Variants in TPD52 observed in about 807,000 individuals in gnomAD.
The protein encoded by TPD52 is prostate and colon associated protein.
TPD52 carries 17 observed loss-of-function variants against 31.3 expected under a neutral mutation model. The observed-to-expected ratio is 0.54, with a 90% CI of 0.37 to 0.82. The LOEUF is 0.82. TPD52 is among the 40% of genes least tolerant of loss of function. The pLI, the probability that TPD52 is intolerant of heterozygous loss-of-function variation, is 0.00. For synonymous variants in TPD52, 83 were observed against 89.6 expected (o/e 0.93, Z 0.42); for missense variants, 212 against 240.1 (o/e 0.88, Z 0.77).
chr8:80,159,113 A>T (rs1197204291), intron 1 of TPD52, among the ~76,000 whole-genome samples: 2 of 152,216 alleles, frequency 1.3e-5, no homozygotes, highest in African/African-American at 4.8e-5. Flanking sequence ...CATTTTACAG[A>T]AGTATCTAAT....
chr8:80,152,259 C>G (rs1810623181), intron 1 of TPD52, among the ~76,000 whole-genome samples: 1 of 152,136 alleles, frequency 6.6e-6, no homozygotes, highest in Non-Finnish European at 1.5e-5. Context: ...GAGAGGCCAG[C>G]CATATCCTCA....
chr8:80,051,233 C>T, intron 4 of TPD52: 1 of 410,340 alleles, frequency 2.4e-6, no homozygotes, highest in Non-Finnish European at 4.4e-6. Context: ...CACAAATTTG[C>T]AACCAAAGAC....
chr8:80,099,346 T>C (rs540237136), intron 1 of TPD52, among the ~76,000 whole-genome samples: 4 of 152,152 alleles, frequency 2.6e-5, no homozygotes, highest in Non-Finnish European at 5.9e-5. Context: ...TGTAGCTAAA[T>C]TCTTGGCATT....
At chr8:80,152,414 C>T (rs1563664535) in intron 1 of TPD52, among the ~76,000 whole-genome samples, 1 of 152,078 alleles carries the variant, frequency 6.6e-6, no homozygotes, top group Non-Finnish European at 1.5e-5. Context: ...TTCCCAACAA[C>T]AAAAAACACC....
intron 1 of TPD52, among the ~76,000 whole-genome samples, chr8:80,085,959 A>T (rs572379620): frequency 6.6e-6 from 1 of 152,250 alleles, no homozygotes; most frequent in South Asian, 2.1e-4. Flanking sequence ...GCCATACCCC[A>T]GTGAGAGGCA....
chr8:80,130,675 C>T (rs75092843), intron 1 of TPD52, among the ~76,000 whole-genome samples: 5 of 152,256 alleles, frequency 3.3e-5, no homozygotes, highest in East Asian at 1.9e-4. Flanking sequence ...TAACATTCTG[C>T]GGCATGACTT....
At chr8:80,122,407 T>C (rs1656039493) in intron 1 of TPD52, among the ~76,000 whole-genome samples, 1 of 152,096 alleles carries the variant, frequency 6.6e-6, no homozygotes, top group African/African-American at 2.4e-5. Flanking sequence ...TCCTCAGAGA[T>C]GGGCATGCGC....
intron 1 of TPD52, among the ~76,000 whole-genome samples, chr8:80,068,318 G>T (rs1312940908): frequency 1.3e-5 from 2 of 152,084 alleles, no homozygotes; most frequent in Non-Finnish European, 2.9e-5. Flanking sequence ...GGGTCTTTCT[G>T]TCTCTCGACT....
intron 1 of TPD52, among the ~76,000 whole-genome samples, chr8:80,137,780 C>A (rs1233807418): frequency 6.6e-6 from 1 of 152,088 alleles, no homozygotes; most frequent in African/African-American, 2.4e-5. Flanking sequence ...TTTGGTCCTT[C>A]AGAATTTAAA....
intron 1 of TPD52, among the ~76,000 whole-genome samples, chr8:80,079,149 A>G (rs949112302): frequency 5.9e-5 from 9 of 152,184 alleles, no homozygotes; most frequent in Non-Finnish European, 1.3e-4. Context: ...AAAATTTATA[A>G]GTTAGAAGGG....
rs180759561 is a variant in TPD52, at chr8:80,099,854, G to A, written c.20-35261C>T. On this transcript the variant is annotated intron_variant, in intron 1 of 7. Coordinates refer to ENST00000518937, the MANE Select transcript of TPD52 (RefSeq NM_001025253.3). Reference sequence around the variant, plus strand: ...AATGAAACAGAAACAGATATCTATTGAATGCAGAAGTAGAACAAGTTTAAG... The same window carrying A: ...AATGAAACAGAAACAGATATCTATTAAATGCAGAAGTAGAACAAGTTTAAG... 2.7e-4 allele frequency among the ~76,000 whole-genome samples: 41 copies of A among 152,268 alleles called. 1 individual carries two copies. The highest frequency in any genetic ancestry group is 9.4e-4 in the African/African-American group (39 of 41,558).
At chr8:80,127,996 G>T (rs976186577) in intron 1 of TPD52, among the ~76,000 whole-genome samples, 28 of 136,860 alleles carry the variant, frequency 2.0e-4, no homozygotes, top group African/African-American at 6.5e-4. Flanking sequence ...TTTCTGTTTT[G>T]TTTTTTTTTT....
chr8:80,066,100 A>G (rs1457037404), intron 1 of TPD52, among the ~76,000 whole-genome samples: 11 of 152,172 alleles, frequency 7.2e-5, no homozygotes, highest in Non-Finnish European at 1.5e-4. Flanking sequence ...ATCCTGCCCA[A>G]TGCAAGGCGC....
rs1466435994 is a variant in TPD52, at chr8:80,035,350, T to G, written c.*2766A>C. 6.6e-6 allele frequency: 1 copy of G among 152,214 alleles called. No homozygotes were observed. Among genetic ancestry groups the G allele is most frequent in the Non-Finnish European group, 1.5e-5 (1 of 68,032 alleles). The allele number at this position is 152,214 out of a possible 1,614,324, so 9.4% of individuals were successfully genotyped here. On this transcript the variant is annotated 3_prime_UTR_variant, in exon 8 of 8. Transcript: ENST00000518937. ...AATGTAGGATCTCTTTGGACACATC[T>G]TCAGCAAGCAGTCATTTAATAAATG...
chr8:80,147,473 G>C (rs1810275043), intron 1 of TPD52, among the ~76,000 whole-genome samples: 1 of 152,186 alleles, frequency 6.6e-6, no homozygotes, highest in South Asian at 2.1e-4. Flanking sequence ...GAGAGTACAT[G>C]ACAAACAGTC....
intron 2 of TPD52, among the ~76,000 whole-genome samples, chr8:80,056,077 T>C (rs1811844355): frequency 6.6e-6 from 1 of 152,114 alleles, no homozygotes; most frequent in African/African-American, 2.4e-5. Context: ...TATCAAAGGG[T>C]ACCTACACCC....
At chr8:80,065,291 A>G (rs980465412) in intron 1 of TPD52, among the ~76,000 whole-genome samples, 9 of 110,108 alleles carry the variant, frequency 8.2e-5, no homozygotes, top group Non-Finnish European at 1.6e-4. Context: ...CTATATATCT[A>G]TATCTATCTA....
chr8:80,050,329 G>T (rs1040219779), intron 5 of TPD52, 116 bp downstream of exon 5: 13 of 985,398 alleles, frequency 1.3e-5, no homozygotes, highest in African/African-American at 5.1e-5. Flanking sequence ...TACTCTAAAC[G>T]CAAGAAAATT....
At chr8:80,075,414 G>A (rs1448275111) in intron 1 of TPD52, among the ~76,000 whole-genome samples, 1 of 152,198 alleles carries the variant, frequency 6.6e-6, no homozygotes, top group Admixed American at 6.5e-5. Flanking sequence ...GCAGGACCCT[G>A]AACAGTGGTC....
Sources: allele counts gnomAD v4.1 joint callset (sites outside exome capture counted in the v4.1 genomes callset), GRCh38; gene constraint gnomAD v4.1.1; transcripts MANE v1.5; gene names NCBI Gene and HGNC (gene_info 2026-07-23, HGNC 2026-07-21).